DOCK10: variants seen among roughly 807,000 people sequenced by gnomAD.
DOCK10 encodes the protein dedicator of cytokinesis 10.
In DOCK10, 145 loss-of-function variants were observed where a neutral mutation model predicts 280.1. The ratio of observed to expected loss-of-function variants is 0.52; its 90% CI spans 0.45 to 0.59. The LOEUF is 0.59. DOCK10 is among the 20% of genes least tolerant of loss of function. The pLI, the probability that DOCK10 is intolerant of heterozygous loss-of-function variation, is 0.00. For synonymous variants in DOCK10, 915 were observed against 942.2 expected (o/e 0.97, Z 0.53); for missense variants, 2,368 against 2,651.7 (o/e 0.89, Z 2.35).
intron 1 of DOCK10, among the ~76,000 whole-genome samples, chr2:224,938,380 C>A (rs913941827): frequency 3.3e-5 from 5 of 151,996 alleles, no homozygotes; most frequent in Non-Finnish European, 5.9e-5. Flanking sequence ...GAAAAACTAA[C>A]AAAAAATAGG....
At chr2:224,995,322 G>T (rs993543123) in intron 1 of DOCK10, among the ~76,000 whole-genome samples, 1 of 152,210 alleles carries the variant, frequency 6.6e-6, no homozygotes, top group Admixed American at 6.5e-5. Context: ...GGTAGAGGTT[G>T]TTGGAGTCCG....
At chr2:224,872,159 A>G (rs1388510364) in intron 11 of DOCK10, among the ~76,000 whole-genome samples, 1 of 152,222 alleles carries the variant, frequency 6.6e-6, no homozygotes, top group Non-Finnish European at 1.5e-5. Flanking sequence ...TTTCCATTTT[A>G]GCTTACCTGT....
At chr2:225,037,624 C>G (rs1425847092) in intron 1 of DOCK10, among the ~76,000 whole-genome samples, 4 of 152,194 alleles carry the variant, frequency 2.6e-5, no homozygotes, top group African/African-American at 9.7e-5. Context: ...CTGTATTTTG[C>G]AACAATAATA....
chr2:224,916,540 C>CAAAAAAAAAAAAAAAAAAAAAAAAAAA (rs35956360), intron 3 of DOCK10, among the ~76,000 whole-genome samples, 155 bp downstream of exon 3: 1 of 110,940 alleles, frequency 9.0e-6, no homozygotes, highest in Non-Finnish European at 1.8e-5. Flanking sequence ...CACCCTCCCT[C>CAAAAAAAAAAAAAAAAAAAAAAAAAAA]AAAAAAAAAA....
At chr2:224,874,380 T>A in intron 9 of DOCK10, 31 bp from the exon 10 acceptor site, 2 of 1,547,952 alleles carry the variant, frequency 1.3e-6, no homozygotes, top group Non-Finnish European at 8.9e-7. Context: ...GTCCTTGGTA[T>A]CTAAATATCC....
intron 1 of DOCK10, among the ~76,000 whole-genome samples, chr2:224,994,356 C>T (rs1706208663): frequency 6.6e-6 from 1 of 152,198 alleles, no homozygotes; most frequent in African/African-American, 2.4e-5. Context: ...CAGAAGACTG[C>T]TGTGAGAATT....
chr2:224,965,890 T>C (rs1224000753), intron 1 of DOCK10, among the ~76,000 whole-genome samples: 2 of 152,196 alleles, frequency 1.3e-5, no homozygotes, highest in Non-Finnish European at 2.9e-5. Context: ...ACAGTATTAT[T>C]TTTGGGGGAA....
intron 3 of DOCK10, among the ~76,000 whole-genome samples, chr2:224,912,091 G>C (rs993250666): frequency 6.6e-6 from 1 of 151,912 alleles, no homozygotes; most frequent in African/African-American, 2.4e-5. Context: ...TTGCAGACAA[G>C]TTTAGGCAAC....
At chr2:225,032,738 T>C (rs907932622) in intron 1 of DOCK10, among the ~76,000 whole-genome samples, 3 of 152,250 alleles carry the variant, frequency 2.0e-5, no homozygotes, top group African/African-American at 7.2e-5. Context: ...ATTTAAGAGC[T>C]AATCAAACAA....
Position 224,837,808 on chromosome 2 carries a change from T to C in DOCK10, c.2804A>G (p.Lys935Arg). 3 of 1,613,946 alleles carry C rather than the reference T, an allele frequency of 1.9e-6. No individual in the cohort carries two copies. Among genetic ancestry groups the C allele is most frequent in the Non-Finnish European group, 2.5e-6 (3 of 1,179,888 alleles). Residue 935 changes from lysine to arginine, a missense_variant, in exon 25 of 56, where the codon AAG becomes AGG. This residue lies in a region of DOCK10 where 1,209 missense variants were observed against 1,250.9 expected (regional missense o/e 0.97). Coordinates refer to ENST00000258390, the MANE Select transcript of DOCK10 (RefSeq NM_014689.3). ...VTRVLTDIVA[K>R]CHEEQLDHSV... ...ATGATCCAGCTGCTCCTCATGGCACTTGGCCACAATGTCGGTCAGAACCCT... is the reference window on the plus strand; with the variant it reads ...ATGATCCAGCTGCTCCTCATGGCACCTGGCCACAATGTCGGTCAGAACCCT...
intron 29 of DOCK10, among the ~76,000 whole-genome samples, chr2:224,818,356 G>A (rs1323837341): frequency 6.6e-6 from 1 of 150,678 alleles, no homozygotes. Context: ...GTTAAGTGAC[G>A]CATGACTGTA....
chr2:224,867,285 A>G (rs982652916), intron 11 of DOCK10, among the ~76,000 whole-genome samples: 14 of 152,200 alleles, frequency 9.2e-5, no homozygotes, highest in African/African-American at 3.4e-4. Context: ...GAATCTGTTT[A>G]CTTACTTGTT....
chr2:224,966,443 T>C (rs1704747616), intron 1 of DOCK10, among the ~76,000 whole-genome samples: 2 of 152,172 alleles, frequency 1.3e-5, no homozygotes, highest in African/African-American at 4.8e-5. Context: ...TCATGGCCTG[T>C]TAAGATTTAT....
intron 26 of DOCK10, among the ~76,000 whole-genome samples, chr2:224,832,089 T>G (rs1052953845): frequency 6.6e-6 from 1 of 152,142 alleles, no homozygotes; most frequent in African/African-American, 2.4e-5. Flanking sequence ...TATGTATAGT[T>G]TCAAGAACGC....
chr2:224,895,730 G>A (rs1490276642), intron 4 of DOCK10, among the ~76,000 whole-genome samples: 1 of 151,948 alleles, frequency 6.6e-6, no homozygotes, highest in Non-Finnish European at 1.5e-5. Flanking sequence ...TGACTTTTGA[G>A]CAGAAGCAGA....
At chr2:224,776,592 T>C (rs1229526977) in intron 51 of DOCK10, among the ~76,000 whole-genome samples, 1 of 151,510 alleles carries the variant, frequency 6.6e-6, no homozygotes, top group African/African-American at 2.4e-5. Context: ...AAGGATTTCA[T>C]GCCCAGATGC....
chr2:224,802,999 T>C (rs1693121664), intron 39 of DOCK10, among the ~76,000 whole-genome samples: 1 of 152,088 alleles, frequency 6.6e-6, no homozygotes, highest in African/African-American at 2.4e-5. Context: ...TTCCTGAAGC[T>C]AGAAGGAGTG....
At chr2:225,024,564 T>G (rs946468530) in intron 1 of DOCK10, among the ~76,000 whole-genome samples, 23 of 152,128 alleles carry the variant, frequency 1.5e-4, no homozygotes, top group Non-Finnish European at 3.1e-4. Context: ...CTTTTCAAAA[T>G]AAGAAAAGAA....
chr2:224,947,054 A>G (rs1703461527), intron 1 of DOCK10: 1 of 1,414,410 alleles, frequency 7.1e-7, no homozygotes, highest in Non-Finnish European at 9.2e-7. Flanking sequence ...TCTTCTTGGT[A>G]AAAAGGGAAA....
Sources: allele counts gnomAD v4.1 joint callset (sites outside exome capture counted in the v4.1 genomes callset), GRCh38; gene constraint gnomAD v4.1.1; regional missense constraint gnomAD v4.1.1; transcripts MANE v1.5; gene names NCBI Gene and HGNC (gene_info 2026-07-23, HGNC 2026-07-21).